The following SPAG6 variants were observed in gnomAD, a reference collection of about 807,000 sequenced individuals.
The protein encoded by SPAG6 is sperm associated antigen 6, also known as sperm-associated antigen 6.
SPAG6 carries 49 observed loss-of-function variants against 58.5 expected under a neutral mutation model. The observed-to-expected ratio is 0.84, with a 90% CI of 0.67 to 1.06. The LOEUF (loss-of-function observed/expected upper bound fraction) is 1.06, where lower values mean the gene tolerates loss of function less well. SPAG6 is among the 50% of genes least tolerant of loss of function. The pLI is 0.00. For synonymous variants in SPAG6, 233 were observed against 225.6 expected, an observed-to-expected ratio of 1.03 and a Z score of -0.29; for missense variants, 560 against 611.3, an observed-to-expected ratio of 0.92 and a Z score of 0.89.
chr10:22,402,561 A>G (rs1480476279), intron 9 of SPAG6, among the ~76,000 whole-genome samples: 1 of 152,206 alleles, frequency 6.6e-6, no homozygotes, highest in Non-Finnish European at 1.5e-5. Context: ...AGGAAAGTAG[A>G]AGTTTCACAT....
At chr10:22,405,975 G>A (rs1263888954) in intron 9 of SPAG6, among the ~76,000 whole-genome samples, 1 of 152,108 alleles carries the variant, frequency 6.6e-6, no homozygotes, top group Non-Finnish European at 1.5e-5. Context: ...TGTGGGATCG[G>A]TGGTGATATC....
At chr10:22,360,509 T>G (rs925727875) in intron 2 of SPAG6, among the ~76,000 whole-genome samples, 1 of 150,058 alleles carries the variant, frequency 6.7e-6, no homozygotes, top group African/African-American at 2.4e-5. Flanking sequence ...AGCACTAGAA[T>G]AAGAAAAATA....
chr10:22,389,450 A>G (rs1006598582), intron 7 of SPAG6, 138 bp downstream of exon 7: 4 of 788,434 alleles, frequency 5.1e-6, no homozygotes, highest in African/African-American at 1.7e-5. Flanking sequence ...GATTGTTTCA[A>G]TGCTTATTAG....
rs1834877019 is a variant in SPAG6 at position 22,416,835 on chromosome 10, C to A, written c.*147C>A. On this transcript the variant is annotated 3_prime_UTR_variant, in exon 11 of 11. Transcript: ENST00000376624. ...TAATATTTTCTAAATTTATGTAATACTTTAAACATTCGTAGCTTGAATATG... is the reference window on the plus strand; with the variant it reads ...TAATATTTTCTAAATTTATGTAATAATTTAAACATTCGTAGCTTGAATATG... 7 of 513,492 alleles carry A rather than the reference C, an allele frequency of 1.4e-5. No homozygotes were observed. In the East Asian group the frequency reaches 1.8e-4, roughly 13 times the overall value. 31.8% of individuals were successfully genotyped at this position (513,492 alleles called of 1,614,324 possible). A position where few individuals can be genotyped will look rare whatever the true frequency, so the allele number is the denominator to read the frequency against.
At chr10:22,348,792 ATCTTT>A (rs1483757336) in intron 2 of SPAG6, among the ~76,000 whole-genome samples, 1 of 152,208 alleles carries the variant, frequency 6.6e-6, no homozygotes, top group African/African-American at 2.4e-5. Context: ...ATGTTGCAAG[ATCTTT>A]TCTTCAGAGT....
rs1442245489 is a variant in SPAG6, at chr10:22,417,289, C to T, written c.*601C>T. The T allele has an allele frequency of 6.6e-6, 1 of 152,306 alleles. No homozygotes were observed. The highest frequency in any genetic ancestry group is 2.4e-5 in the African/African-American group (1 of 41,418). 9.4% of individuals were successfully genotyped at this position (152,306 alleles called of 1,614,324 possible). On this transcript the variant is annotated 3_prime_UTR_variant, in exon 11 of 11. Coordinates refer to ENST00000376624, the MANE Select transcript of SPAG6 (RefSeq NM_012443.4). ...CAAGTTTTCCAAACCTCCTTCCCCACCCTATCTAAAGTGTTCCTTACCTTT... is the reference window on the plus strand; with the variant it reads ...CAAGTTTTCCAAACCTCCTTCCCCATCCTATCTAAAGTGTTCCTTACCTTT...
intron 2 of SPAG6, among the ~76,000 whole-genome samples, chr10:22,346,554 T>TCTTCCTCTTCTTC (rs1212815556): frequency 1.3e-5 from 2 of 151,184 alleles, no homozygotes; most frequent in Admixed American, 6.6e-5. Context: ...TTCTTCTTCT[T>TCTTCCTCTTCTTC]TTTTTTTGGA....
chr10:22,364,927 G>C lies in SPAG6; in HGVS notation c.196G>C (p.Gly66Arg), dbSNP rs769274053. ...TCAACAGACTGCTGCTTTGGCTCTT[G>C]GGAGACTGGCCAATTATAATGATGA... The part of the protein sequence containing the change: ...TIQQTAALAL[G>R]RLANYNDDLA... Residue 66 changes from glycine to arginine, a missense_variant, in exon 3 of 11, where the codon GGG becomes CGG. Gly to Arg is a moderately radical substitution (Grantham distance 125, BLOSUM62 -2). Transcript: ENST00000376624. 19 of 1,613,408 alleles carry C rather than the reference G, an allele frequency of 1.2e-5. No individual in the cohort carries two copies. In the Admixed American group the frequency reaches 3.2e-4, roughly 27 times the overall value.
chr10:22,412,996 G>A (rs1199232747), intron 10 of SPAG6: 3 of 135,142 alleles, frequency 2.2e-5, no homozygotes, highest in Non-Finnish European at 4.6e-5. Flanking sequence ...GTCCCTTCAC[G>A]AAGAATGGTA....
chr10:22,391,149 C>T (rs948655986), intron 7 of SPAG6, among the ~76,000 whole-genome samples: 1 of 152,128 alleles, frequency 6.6e-6, no homozygotes, highest in Non-Finnish European at 1.5e-5. Flanking sequence ...GTTGTTTTGA[C>T]ATTCAGTCAT....
intron 2 of SPAG6, among the ~76,000 whole-genome samples, chr10:22,352,160 A>G (rs972011194): frequency 2.5e-4 from 36 of 144,676 alleles, no homozygotes; most frequent in Non-Finnish European, 3.1e-4. Flanking sequence ...GACTCCGTCT[A>G]AAAAAAAAAA....
At chr10:22,392,426 T>C (rs1187166601) in intron 8 of SPAG6, among the ~76,000 whole-genome samples, 1 of 152,092 alleles carries the variant, frequency 6.6e-6, no homozygotes, top group African/African-American at 2.4e-5. Context: ...ACTCACTAAA[T>C]TAAATATTTT....
At chr10:22,365,384 G>A (rs913668873) in intron 3 of SPAG6, among the ~76,000 whole-genome samples, 5 of 152,128 alleles carry the variant, frequency 3.3e-5, no homozygotes, top group Non-Finnish European at 4.4e-5. Context: ...CCAAGTTAAG[G>A]GAAATAGTGA....
At chr10:22,354,056 G>A (rs927081509) in intron 2 of SPAG6, among the ~76,000 whole-genome samples, 3 of 152,162 alleles carry the variant, frequency 2.0e-5, no homozygotes, top group East Asian at 1.9e-4. Flanking sequence ...GAAGGGCCTC[G>A]TATGAAGTTT....
chr10:22,405,561 G>T (rs1447620003), intron 9 of SPAG6, among the ~76,000 whole-genome samples: 11 of 150,142 alleles, frequency 7.3e-5, no homozygotes, highest in Non-Finnish European at 7.4e-5. Flanking sequence ...GAGGATTTTT[G>T]CATCAATGTT....
chr10:22,401,023 A>G, intron 8 of SPAG6, 138 bp from the exon 9 acceptor site: 1 of 590,168 alleles, frequency 1.7e-6, no homozygotes, highest in Non-Finnish European at 3.0e-6. Context: ...TTTGGACAAC[A>G]ATTTTAAAAA....
chr10:22,398,557 TC>T (rs1272449086), intron 8 of SPAG6, among the ~76,000 whole-genome samples: 1 of 152,108 alleles, frequency 6.6e-6, no homozygotes, highest in African/African-American at 2.4e-5. Flanking sequence ...TGAGACCCTA[TC>T]TCTACAAAAA....
At chr10:22,392,376 A>T (rs1272247846) in intron 8 of SPAG6, among the ~76,000 whole-genome samples, 2 of 152,104 alleles carry the variant, frequency 1.3e-5, no homozygotes, top group Non-Finnish European at 2.9e-5. Context: ...CCTTTTAATT[A>T]TATGTCTTAT....
chr10:22,384,956 T>G lies in SPAG6; in HGVS notation c.473-1798T>G, dbSNP rs113080812. 6.4e-3 allele frequency among the ~76,000 whole-genome samples: 980 copies of G among 152,238 alleles called. 11 individuals are homozygous for G. The highest frequency in any genetic ancestry group is 0.022 in the African/African-American group (929 of 41,552). ...AATAGTACTTTTAAACCGTTGTAGT[T>G]TGCTACATATTCTTTACTCGTAGAA... On this transcript the variant is annotated intron_variant, in intron 4 of 10. Transcript: ENST00000376624.
Sources: gnomAD v4.1 joint callset for allele counts (sites outside exome capture counted in the v4.1 genomes callset) on GRCh38, gnomAD v4.1.1 for gene constraint, MANE v1.5 for transcripts, NCBI Gene and HGNC (gene_info 2026-07-23, HGNC 2026-07-21) for gene names.